Variants in GUF1 observed in about 807,000 individuals in gnomAD.
GUF1 encodes GTP binding elongation factor GUF1.
Under a neutral mutation model 82.4 loss-of-function variants are expected in GUF1, and 78 were observed. The observed-to-expected ratio is 0.95, with a 90% CI of 0.79 to 1.14. The LOEUF is 1.14. Among genes scored for constraint, GUF1 ranks in the 50% most tolerant of loss-of-function variants. The pLI, the probability that GUF1 is intolerant of heterozygous loss-of-function variation, is 0.00. For missense variants in GUF1, 814 were observed against 798.2 expected (o/e 1.02, Z -0.24); for synonymous variants, 279 against 282.3 (o/e 0.99, Z 0.12).
At chr4:44,687,955 T>A in intron 8 of GUF1, 52 bp from the exon 9 acceptor site, 1 of 1,511,846 alleles carries the variant, frequency 6.6e-7, no homozygotes, top group South Asian at 1.2e-5. Context: ...TTGTGAGTTA[T>A]GTGCTTGAAA....
At position 44,688,027 on chromosome 4, in the gene GUF1, A is replaced by C. The variant is rs1367706230; in HGVS notation, c.959A>C (p.Tyr320Ser). The change falls in exon 9 of 17, where the codon TAT becomes TCT. Residue 320 changes from tyrosine to serine, a missense_variant. Transcript: ENST00000281543. ...THKLYAGQVG[Y>S]LIAGMKDVTE... Reference sequence around the variant, plus strand: ...TTTAGATATGCAGGACAGGTGGGCTATCTGATTGCTGGGATGAAAGATGTC... The same window carrying C: ...TTTAGATATGCAGGACAGGTGGGCTCTCTGATTGCTGGGATGAAAGATGTC... 4 of 1,612,074 alleles carry C rather than the reference A, an allele frequency of 2.5e-6. No individual in the cohort carries two copies. The highest frequency in any genetic ancestry group is 1.7e-5 in the Admixed American group (1 of 59,902).
rs1688650485 is a variant in GUF1 at position 44,678,566 on chromosome 4, G to A, written c.-57G>A. ...ACGGGGGGTACCTTCGAAAAAAAAC[G>A]GGCTATGCTGCTGTTGCGTGTGGGT... On this transcript the variant is annotated 5_prime_UTR_variant, in exon 1 of 17. Transcript: ENST00000281543. The A allele has an allele frequency of 4.4e-6, 6 of 1,353,506 alleles. No homozygotes were observed. In the Admixed American group the frequency reaches 1.4e-4, roughly 31 times the overall value. The allele number at this position is 1,353,506 out of a possible 1,614,324, so 83.8% of individuals were successfully genotyped here. A position where few individuals can be genotyped will look rare whatever the true frequency, so the allele number is the denominator to read the frequency against.
chr4:44,694,432 G>C lies in GUF1; in HGVS notation c.1634G>C (p.Gly545Ala), dbSNP rs1715652508. The change falls in exon 14 of 17, where the codon GGC becomes GCC. Residue 545 changes from glycine (G) to alanine (A), a missense_variant. Gly to Ala is a moderately conservative substitution (Grantham distance 60, BLOSUM62 0). Coordinates refer to ENST00000281543, the MANE Select transcript of GUF1 (RefSeq NM_021927.3). ...TTTAGTTTTGATTACGAAGATGCAG[G>C]CTACCAGACTGCAGAACTTGTAAAA... ...GYASFDYEDA[G>A]YQTAELVKMD... 6.2e-7 allele frequency: 1 copy of C among 1,609,918 alleles called. No individual in the cohort carries two copies. The highest frequency in any genetic ancestry group is 1.3e-5 in the African/African-American group (1 of 74,874).
rs1251022152 is a variant in GUF1 at position 44,690,748 on chromosome 4, A to G, written c.1367A>G (p.Asn456Ser). ...AGAGAAAAAGAAATTACAATTATCA[A>G]TCCTGCACAATTCCCCGATAAATCA... is the stretch of plus-strand genomic sequence containing the variant. ...EHREKEITII[N>S]PAQFPDKSKV... Residue 456 changes from asparagine to serine, a missense_variant, in exon 12 of 17, where the codon AAT becomes AGT. Physicochemically the swap from Asn to Ser is conservative, Grantham distance 46. Transcript: ENST00000281543. 3 of 1,589,248 alleles carry G rather than the reference A, an allele frequency of 1.9e-6. No homozygotes were observed. The highest frequency in any genetic ancestry group is 2.6e-6 in the Non-Finnish European group (3 of 1,159,436).
intron 10 of GUF1, among the ~76,000 whole-genome samples, chr4:44,689,636 G>A (rs941093970): frequency 6.6e-6 from 1 of 151,390 alleles, no homozygotes; most frequent in Non-Finnish European, 1.5e-5. Flanking sequence ...ACATTTTATG[G>A]GTAAGTTTTA....
chr4:44,686,364 A>G, intron 7 of GUF1, 146 bp from the exon 8 acceptor site: 1 of 499,036 alleles, frequency 2.0e-6, no homozygotes, highest in Non-Finnish European at 3.4e-6. Flanking sequence ...TAAATCTAAT[A>G]TATTTTATAA....
At position 44,680,512 on chromosome 4, in the gene GUF1, T is replaced by C. The variant is rs1209755009; in HGVS notation, c.237T>C (p.His79=). 1 of 1,610,124 alleles carries C rather than the reference T, an allele frequency of 6.2e-7. No individual in the cohort carries two copies. Among genetic ancestry groups the C allele is most frequent in the Non-Finnish European group, 8.5e-7 (1 of 1,177,758 alleles). ...TCAGTATTGTTGCACACGTGGATCA[T>C]GGCAAAAGTACTTTAGCTGACAGGC... ...RNFSIVAHVD[H]GKSTLADRLL... The change falls in exon 2 of 17, where the codon CAT becomes CAC. Residue 79 remains histidine (H), a synonymous_variant. Coordinates refer to ENST00000281543, the MANE Select transcript of GUF1 (RefSeq NM_021927.3).
At position 44,678,565 on chromosome 4, in the gene GUF1, C is replaced by G; in HGVS notation, c.-58C>G. The G allele has an allele frequency of 5.2e-6, 7 of 1,340,576 alleles. No homozygotes were observed. In the South Asian group the frequency reaches 1.1e-4, roughly 22 times the overall value. 83.0% of individuals were successfully genotyped at this position (1,340,576 alleles called of 1,614,324 possible). ...TACGGGGGGTACCTTCGAAAAAAAA[C>G]GGGCTATGCTGCTGTTGCGTGTGGG... On this transcript the variant is annotated 5_prime_UTR_variant, in exon 1 of 17. Coordinates refer to ENST00000281543, the MANE Select transcript of GUF1 (RefSeq NM_021927.3).
chr4:44,695,651 A>T lies in GUF1; in HGVS notation c.1752A>T (p.Glu584Asp). 2 of 1,613,490 alleles carry T rather than the reference A, an allele frequency of 1.2e-6. No homozygotes were observed. The highest frequency in any genetic ancestry group is 1.7e-6 in the Non-Finnish European group (2 of 1,179,582). Reference sequence around the variant, plus strand: ...ATTCAATTGGCAAAGCCATATGTGAACGGCTGAAGGATTCTCTTCCTAGGC... The same window carrying T: ...ATTCAATTGGCAAAGCCATATGTGATCGGCTGAAGGATTCTCTTCCTAGGC... ...KAHSIGKAIC[E>D]RLKDSLPRQL... The change falls in exon 15 of 17, where the codon GAA becomes GAT. Residue 584 changes from glutamate (E) to aspartate (D), a missense_variant. Glu to Asp is a conservative substitution (Grantham distance 45, BLOSUM62 2). Transcript: ENST00000281543.
rs759069357 is a variant in GUF1, at chr4:44,698,668, A to C, written c.1997A>C (p.Gln666Pro). The change falls in exon 17 of 17, where the codon CAA becomes CCA. Residue 666 changes from glutamine (Q) to proline (P), a missense_variant. Physicochemically the swap from Gln to Pro is moderately conservative, Grantham distance 76. Coordinates refer to ENST00000281543, the MANE Select transcript of GUF1 (RefSeq NM_021927.3). ...KDAFIKVLKTQSSK is the reference protein window; with the variant it reads ...KDAFIKVLKTPSSK ...GCTTTTATAAAAGTTCTGAAAACAC[A>C]ATCTTCTAAATAATTGGTGGGAAAA... 2.5e-6 allele frequency: 4 copies of C among 1,592,656 alleles called. No homozygotes were observed. The highest frequency in any genetic ancestry group is 3.4e-6 in the Non-Finnish European group (4 of 1,174,162).
At position 44,698,765 on chromosome 4, in the gene GUF1, CA is replaced by C. The variant is rs1716020643; in HGVS notation, c.*85del. The C allele has an allele frequency of 8.1e-7, 1 of 1,241,684 alleles. No homozygotes were observed. Among genetic ancestry groups the C allele is most frequent in the South Asian group, 1.5e-5 (1 of 65,958 alleles). 76.9% of individuals were successfully genotyped at this position (1,241,684 alleles called of 1,614,324 possible). A position where few individuals can be genotyped will look rare whatever the true frequency, so the allele number is the denominator to read the frequency against. ...AATTATAAAATTTGCTTGTTACTTT[CA>C]GGGTATTCAGGTTCAAATAACCTAC... On this transcript the variant is annotated 3_prime_UTR_variant, in exon 17 of 17. Coordinates refer to ENST00000281543, the MANE Select transcript of GUF1 (RefSeq NM_021927.3).
chr4:44,684,855 A>C (rs769100295), intron 6 of GUF1, among the ~76,000 whole-genome samples: 1 of 152,160 alleles, frequency 6.6e-6, no homozygotes, highest in Non-Finnish European at 1.5e-5. Flanking sequence ...CATAGGCAAG[A>C]TAGCTTGTTG....
intron 13 of GUF1, among the ~76,000 whole-genome samples, chr4:44,693,130 T>C (rs1282350629): frequency 2.6e-5 from 4 of 152,058 alleles, no homozygotes; most frequent in Admixed American, 6.5e-5. Context: ...AAAGTCATCA[T>C]AGACTATGAA....
rs74326728 is a variant in GUF1 at position 44,694,543 on chromosome 4, G to A, written c.1715+30G>A. ...GTTCAATAGAAACTAATCATGGAAT[G>A]TGAAAATACTTTTGATATGTTTTTC... On this transcript the variant is annotated intron_variant, in intron 14 of 16. Transcript: ENST00000281543. 1,565 of 1,214,932 alleles carry A rather than the reference G, an allele frequency of 1.3e-3. 19 individuals are homozygous for A. In the African/African-American group the frequency reaches 0.022, roughly 17 times the overall value. 75.3% of individuals were successfully genotyped at this position (1,214,932 alleles called of 1,614,324 possible). A position where few individuals can be genotyped will look rare whatever the true frequency, so the allele number is the denominator to read the frequency against.
rs1159784574 is a variant in GUF1 at position 44,689,520 on chromosome 4, A to T, written c.1202+111A>T. ...TAAAAAATATCTTTATAAGTAAGGG[A>T]GGTATAAAATGGTGCATTGTTCTGG... On this transcript the variant is annotated intron_variant, in intron 10 of 16. Transcript: ENST00000281543. The T allele has an allele frequency of 8.9e-6, 11 of 1,230,866 alleles. No individual in the cohort carries two copies. In the Admixed American group the frequency reaches 2.6e-4, roughly 29 times the overall value. The allele number at this position is 1,230,866 out of a possible 1,614,324, so 76.2% of individuals were successfully genotyped here.
At chr4:44,679,723 A>G (rs1265577270) in intron 1 of GUF1, among the ~76,000 whole-genome samples, 3 of 152,090 alleles carry the variant, frequency 2.0e-5, no homozygotes, top group Admixed American at 6.5e-5. Flanking sequence ...TTTCATTGTA[A>G]TTTCATGGTT....
chr4:44,698,747 A>C lies in GUF1; in HGVS notation c.*66A>C. ...TGCTGACAACAGAAAGAAAATTATA[A>C]AATTTGCTTGTTACTTTCAGGGTAT... On this transcript the variant is annotated 3_prime_UTR_variant, in exon 17 of 17. Transcript: ENST00000281543. 1.4e-6 allele frequency: 2 copies of C among 1,446,838 alleles called. No individual in the cohort carries two copies. The highest frequency in any genetic ancestry group is 1.9e-6 in the Non-Finnish European group (2 of 1,066,938). 89.6% of individuals were successfully genotyped at this position (1,446,838 alleles called of 1,614,324 possible). A position where few individuals can be genotyped will look rare whatever the true frequency, so the allele number is the denominator to read the frequency against.
Position 44,698,590 on chromosome 4 carries a change from C to G in GUF1, c.1919C>G (p.Ala640Gly). 6.2e-7 allele frequency: 1 copy of G among 1,607,192 alleles called. No individual in the cohort carries two copies. The highest frequency in any genetic ancestry group is 8.5e-7 in the Non-Finnish European group (1 of 1,177,752). Reference protein sequence around the residue: ...TRKMKLLKRQAEGKKKLRKIG... With the variant: ...TRKMKLLKRQGEGKKKLRKIG... ...AAAATGAAGCTTTTGAAGAGACAAG[C>G]AGAAGGGAAAAAAAAGCTGAGGAAA... Residue 640 changes from alanine (A) to glycine (G), a missense_variant, in exon 17 of 17, where the codon GCA (alanine) becomes GGA (glycine). Physicochemically the swap from Ala to Gly is moderately conservative, Grantham distance 60. Coordinates refer to ENST00000281543, the MANE Select transcript of GUF1 (RefSeq NM_021927.3).
chr4:44,686,393 G>A, intron 7 of GUF1, 117 bp from the exon 8 acceptor site: 1 of 554,236 alleles, frequency 1.8e-6, no homozygotes, highest in Non-Finnish European at 3.0e-6. Flanking sequence ...TTTTATTTAG[G>A]CTGTTGTGTA....
Sources: gnomAD v4.1 joint callset for allele counts (sites outside exome capture counted in the v4.1 genomes callset) on GRCh38, gnomAD v4.1.1 for gene constraint, MANE v1.5 for transcripts, NCBI Gene and HGNC (gene_info 2026-07-23, HGNC 2026-07-21) for gene names.